Variants in VPS41 observed in about 807,000 individuals in gnomAD.
VPS41 encodes VPS41 subunit of HOPS complex.
Under a neutral mutation model 130.9 loss-of-function variants are expected in VPS41, and 85 were observed. The observed-to-expected ratio is 0.65, with a 90% CI of 0.55 to 0.78. VPS41 has a LOEUF of 0.78. Ranked by LOEUF, VPS41 falls within the 30% of genes least tolerant of loss-of-function variation. The pLI, the probability that VPS41 is intolerant of heterozygous loss-of-function variation, is 0.00. For synonymous variants in VPS41, 335 were observed against 332.9 expected (o/e 1.01, Z -0.07); for missense variants, 874 against 1,018.7 (o/e 0.86, Z 1.93).
chr7:38,768,388 A>T (rs981933237), intron 14 of VPS41, among the ~76,000 whole-genome samples: 1 of 150,960 alleles, frequency 6.6e-6, no homozygotes, highest in African/African-American at 2.5e-5. Context: ...CATAAGAAAT[A>T]CCTTCTTGGA....
intron 25 of VPS41, among the ~76,000 whole-genome samples, chr7:38,740,565 C>A (rs922338991): frequency 3.3e-5 from 5 of 152,190 alleles, no homozygotes; most frequent in Non-Finnish European, 7.3e-5. Flanking sequence ...CCAAATCCCA[C>A]TGGAAATATA....
intron 6 of VPS41, 61 bp downstream of exon 6, chr7:38,821,142 T>A: frequency 1.6e-6 from 2 of 1,242,492 alleles, no homozygotes; most frequent in Non-Finnish European, 2.4e-6. Context: ...CAAATTACTG[T>A]AATCCATATT....
chr7:38,794,688 C>T (rs1784588812), intron 9 of VPS41, among the ~76,000 whole-genome samples: 2 of 152,188 alleles, frequency 1.3e-5, no homozygotes, highest in South Asian at 4.1e-4. Context: ...TGGACTTGAT[C>T]CCAGGTCTGT....
intron 5 of VPS41, 143 bp downstream of exon 5, chr7:38,830,111 T>C: frequency 1.5e-6 from 1 of 673,130 alleles, no homozygotes; most frequent in East Asian, 2.5e-5. Context: ...TTTACTTCAA[T>C]TATGACCAAT....
At chr7:38,898,893 A>G (rs1475148997) in intron 1 of VPS41, among the ~76,000 whole-genome samples, 1 of 152,256 alleles carries the variant, frequency 6.6e-6, no homozygotes, top group East Asian at 1.9e-4. Context: ...AAAGGTTACA[A>G]CTAATATGCT....
chr7:38,862,223 G>A (rs1183803699), intron 4 of VPS41, among the ~76,000 whole-genome samples: 1 of 152,054 alleles, frequency 6.6e-6, no homozygotes, highest in Non-Finnish European at 1.5e-5. Context: ...TATTCTAAAT[G>A]CCCGAAATTA....
rs146864941 is a variant in VPS41, at chr7:38,860,803, C to T, written c.246+1742G>A. Reference sequence around the variant, plus strand: ...TACTTAGGAGTGCAAACTGCCAGGTCGTTAGGCAGACATACGCTTGGCTTC... The same window carrying T: ...TACTTAGGAGTGCAAACTGCCAGGTTGTTAGGCAGACATACGCTTGGCTTC... On this transcript the variant is annotated intron_variant, in intron 4 of 28. Transcript: ENST00000310301. 6.1e-3 allele frequency among the ~76,000 whole-genome samples: 929 copies of T among 151,094 alleles called. 14 individuals carry two copies. The highest frequency in any genetic ancestry group is 8.0e-3 in the Non-Finnish European group (541 of 67,892).
At chr7:38,745,657 T>A in intron 22 of VPS41, 44 bp from the exon 23 acceptor site, 1 of 1,445,124 alleles carries the variant, frequency 6.9e-7, no homozygotes, top group Non-Finnish European at 9.6e-7. Flanking sequence ...GGCGACCAAA[T>A]AAGAACAAAC....
intron 4 of VPS41, among the ~76,000 whole-genome samples, chr7:38,854,607 AT>A (rs1422811667): frequency 6.6e-6 from 1 of 152,200 alleles, no homozygotes; most frequent in African/African-American, 2.4e-5. Context: ...AGAGGAAGGT[AT>A]GAAAAAAACC....
At chr7:38,890,399 G>T (rs1340788019) in intron 2 of VPS41, among the ~76,000 whole-genome samples, 1 of 152,068 alleles carries the variant, frequency 6.6e-6, no homozygotes, top group East Asian at 1.9e-4. Flanking sequence ...GAGTGGCTGT[G>T]ACCAAAAAAA....
chr7:38,757,752 T>C (rs1562574420), intron 18 of VPS41, among the ~76,000 whole-genome samples: 2 of 152,082 alleles, frequency 1.3e-5, no homozygotes, highest in Non-Finnish European at 2.9e-5. Flanking sequence ...GGGATGGTCG[T>C]CTTGGCTAGA....
chr7:38,825,147 C>T (rs1042822375), intron 5 of VPS41, among the ~76,000 whole-genome samples: 6 of 152,202 alleles, frequency 3.9e-5, no homozygotes, highest in Admixed American at 3.9e-4. Flanking sequence ...GTCATACCCA[C>T]AGTAGGGGCT....
At chr7:38,872,335 G>A (rs1310989884) in intron 2 of VPS41, among the ~76,000 whole-genome samples, 4 of 152,238 alleles carry the variant, frequency 2.6e-5, no homozygotes, top group African/African-American at 9.6e-5. Context: ...TATGGCCTCA[G>A]ATGGAACACT....
chr7:38,885,061 A>G (rs978254502), intron 2 of VPS41, among the ~76,000 whole-genome samples: 1 of 152,126 alleles, frequency 6.6e-6, no homozygotes, highest in Non-Finnish European at 1.5e-5. Context: ...TTCAGAGCGC[A>G]GGATTTTATT....
chr7:38,764,728 TTG>T (rs1370909345), intron 16 of VPS41, among the ~76,000 whole-genome samples: 1 of 152,102 alleles, frequency 6.6e-6, no homozygotes, highest in East Asian at 1.9e-4. Context: ...AATGGGTATA[TTG>T]TGTATCACAA....
chr7:38,860,739 GTGT>G (rs1786089266), intron 4 of VPS41, among the ~76,000 whole-genome samples: 2 of 146,330 alleles, frequency 1.4e-5, no homozygotes, highest in Admixed American at 6.8e-5. Flanking sequence ...GTGTGTGTGT[GTGT>G]GGACATACGC....
At chr7:38,843,626 G>A (rs1240727805) in intron 4 of VPS41, among the ~76,000 whole-genome samples, 1 of 151,618 alleles carries the variant, frequency 6.6e-6, no homozygotes, top group Non-Finnish European at 1.5e-5. Context: ...AGCTTTTAGT[G>A]AGCCGAGATA....
chr7:38,796,252 A>C (rs1356714151), intron 8 of VPS41, among the ~76,000 whole-genome samples: 1 of 152,226 alleles, frequency 6.6e-6, no homozygotes, highest in African/African-American at 2.4e-5. Flanking sequence ...AAAACTTCCT[A>C]CTAGCCCCAA....
intron 5 of VPS41, among the ~76,000 whole-genome samples, chr7:38,828,754 T>C (rs928180043): frequency 1.3e-5 from 2 of 152,142 alleles, no homozygotes; most frequent in Admixed American, 6.5e-5. Flanking sequence ...TAGGCAGCTA[T>C]AAATTTTACC....
Sources: gnomAD v4.1 joint callset for allele counts (sites outside exome capture counted in the v4.1 genomes callset) on GRCh38, gnomAD v4.1.1 for gene constraint, MANE v1.5 for transcripts, NCBI Gene and HGNC (gene_info 2026-07-23, HGNC 2026-07-21) for gene names.